CER1: variants seen among roughly 807,000 people sequenced by gnomAD.
CER1 encodes cerberus.
Under a neutral mutation model 11.8 loss-of-function variants are expected in CER1, and 10 were observed. The observed-to-expected ratio is 0.85, with a 90% CI of 0.52 to 1.44. The LOEUF (loss-of-function observed/expected upper bound fraction) is 1.44, where lower values mean the gene tolerates loss of function less well. Ranked by LOEUF, CER1 falls within the 40% of genes most tolerant of loss-of-function variation. The pLI is 0.00. For missense variants in CER1, 431 were observed against 327.0 expected (o/e 1.32, Z -2.45); for synonymous variants, 141 against 122.3 (o/e 1.15, Z -1.01).
chr9:14,720,123 G>T lies in CER1; in HGVS notation c.771C>A (p.Ser257=). Residue 257 remains serine (S), a synonymous_variant, in exon 2 of 2, where the codon TCC becomes TCA. Coordinates refer to ENST00000380911, the MANE Select transcript of CER1 (RefSeq NM_005454.3). ...AAACTCCTGGGATAAAGGAATCCTG[G>T]GAGCCAGCATGTAGGATGTGTCCAT... The part of the protein sequence containing the change: ...HEDGHILHAG[S]QDSFIPGVSA 6.2e-7 allele frequency: 1 copy of T among 1,613,900 alleles called. No homozygotes were observed. Among genetic ancestry groups the T allele is most frequent in the Non-Finnish European group, 8.5e-7 (1 of 1,179,840 alleles).
chr9:14,722,152 C>A lies in CER1; in HGVS notation c.507+14G>T. The A allele has an allele frequency of 6.2e-7, 1 of 1,607,710 alleles. No individual in the cohort carries two copies. Among genetic ancestry groups the A allele is most frequent in the Non-Finnish European group, 8.5e-7 (1 of 1,176,630 alleles). On this transcript the variant is annotated intron_variant, in intron 1 of 1. Coordinates refer to ENST00000380911, the MANE Select transcript of CER1 (RefSeq NM_005454.3). ...CCTGCAAACTCTTACCTGCTCTCCC[C>A]CCAGAACACATACCTGGCTGAAGGG...
At chr9:14,718,697 T>G (rs926189699), downstream of CER1, among the ~76,000 whole-genome samples, 20 of 152,214 alleles carry the variant, frequency 1.3e-4, no homozygotes, top group Non-Finnish European at 5.9e-5. Flanking sequence ...AAATAATTTT[T>G]AGGAACAAAA....
chr9:14,722,327 T>C lies in CER1; in HGVS notation c.346A>G (p.Ile116Val), dbSNP rs1348572906. The change falls in exon 1 of 2, where the codon ATA (isoleucine) becomes GTA (valine). Residue 116 changes from isoleucine (I) to valine (V), a missense_variant. Transcript: ENST00000380911. ...PPGTQSLIQP[I>V]DGMKMEKSPL... The stretch of plus-strand genomic sequence containing the variant: ...GATTTCTCCATTTTCATTCCATCTA[T>C]CGGCTGGATGAGGGACTGGGTCCCA... 2 of 1,614,054 alleles carry C rather than the reference T, an allele frequency of 1.2e-6. No homozygotes were observed. Among genetic ancestry groups the C allele is most frequent in the African/African-American group, 2.7e-5 (2 of 74,920 alleles).
At chr9:14,721,128 G>C (rs1017991159) in intron 1 of CER1, among the ~76,000 whole-genome samples, 1 of 152,166 alleles carries the variant, frequency 6.6e-6, no homozygotes, top group African/African-American at 2.4e-5. Context: ...TTTGATAATT[G>C]ACTTGCCATT....
At chr9:14,721,583 T>A (rs1840012885) in intron 1 of CER1, among the ~76,000 whole-genome samples, 1 of 152,218 alleles carries the variant, frequency 6.6e-6, no homozygotes, top group Non-Finnish European at 1.5e-5. Flanking sequence ...AACCTCAACG[T>A]ACTTTGAGGT....
rs755427504 is a variant in CER1 at position 14,722,566 on chromosome 9, G to C, written c.107C>G (p.Pro36Arg). 1.9e-6 allele frequency: 3 copies of C among 1,613,956 alleles called. No homozygotes were observed. The highest frequency in any genetic ancestry group is 2.2e-5 in the East Asian group (1 of 44,882). The change falls in exon 1 of 2, where the codon CCA becomes CGA. Residue 36 changes from proline (P) to arginine (R), a missense_variant. By Grantham distance (103) the Pro-to-Arg change is moderately radical. Coordinates refer to ENST00000380911, the MANE Select transcript of CER1 (RefSeq NM_005454.3). ...TGTGGGAAGCTCTCTTTGATTCCTT[G>C]GCAGGAGTACGGGGGAAAGAGAACT... ...NQSSLSPVLL[P>R]RNQRELPTGN...
At chr9:14,717,504 A>G (rs1335277428), downstream of CER1, among the ~76,000 whole-genome samples, 1 of 152,154 alleles carries the variant, frequency 6.6e-6, no homozygotes, top group African/African-American at 2.4e-5. Context: ...AAGTGTTGTT[A>G]TGTACACTTG....
At chr9:14,719,477 A>G (rs1839974081), downstream of CER1, among the ~76,000 whole-genome samples, 1 of 152,090 alleles carries the variant, frequency 6.6e-6, no homozygotes, top group Admixed American at 6.6e-5. Context: ...TATAAGTATG[A>G]GAATCTTTCC....
At position 14,720,292 on chromosome 9, in the gene CER1, T is replaced by A; in HGVS notation, c.602A>T (p.His201Leu). 1 of 1,614,036 alleles carries A rather than the reference T, an allele frequency of 6.2e-7. No individual in the cohort carries two copies. The change falls in exon 2 of 2, where the codon CAC (histidine) becomes CTC (leucine). Residue 201 changes from histidine (H) to leucine (L), a missense_variant. By Grantham distance (99) the His-to-Leu change is moderately conservative. Coordinates refer to ENST00000380911, the MANE Select transcript of CER1 (RefSeq NM_005454.3). ...ACAGTGAGAGCAGGAGGTATGGGAG[T>A]GCTGCGCGGCTCCAGGAAAATGAAC... ...GSVHFPGAAQ[H>L]SHTSCSHCLP...
chr9:14,720,336 G>T lies in CER1; in HGVS notation c.558C>A (p.Cys186Ter). The T allele has an allele frequency of 1.2e-6, 2 of 1,613,870 alleles. No individual in the cohort carries two copies. The highest frequency in any genetic ancestry group is 2.2e-5 in the South Asian group (2 of 91,066). Reference sequence around the variant, plus strand: ...AATGAACAGACCCGCATTTCCCAAAGCAAAGGTTGTTCTGAACAACTACTT... The same window carrying T: ...AATGAACAGACCCGCATTTCCCAAATCAAAGGTTGTTCTGAACAACTACTT... ...CEKVVVQNNLCFGKCGSVHFP... is the reference protein window; with the variant it reads ...CEKVVVQNNL The change falls in exon 2 of 2, where the codon TGC (cysteine) becomes TGA (stop). Residue 186 changes from cysteine to a stop codon, truncating the protein, a stop_gained. Coordinates refer to ENST00000380911, the MANE Select transcript of CER1 (RefSeq NM_005454.3). LOFTEE classifies it low-confidence loss of function (END_TRUNC).
chr9:14,720,394 G>C lies in CER1; in HGVS notation c.508-8C>G. The C allele has an allele frequency of 6.2e-7, 1 of 1,601,276 alleles. No homozygotes were observed. Among genetic ancestry groups the C allele is most frequent in the Non-Finnish European group, 8.5e-7 (1 of 1,170,378 alleles). On this transcript the variant is annotated splice_region_variant and splice_polypyrimidine_tract_variant and intron_variant, in intron 1 of 1. Coordinates refer to ENST00000380911, the MANE Select transcript of CER1 (RefSeq NM_005454.3). ...GCCTTCGTGGGTTATAGTCTAAAAA[G>C]CAAACACATTTCCATTACGTTATTT...
At chr9:14,721,480 AT>A (rs1438293880) in intron 1 of CER1, among the ~76,000 whole-genome samples, 1 of 152,144 alleles carries the variant, frequency 6.6e-6, no homozygotes, top group African/African-American at 2.4e-5. Flanking sequence ...ATCAAGATTG[AT>A]TTTTTAAAAA....
At chr9:14,719,561 G>T (rs10810225), downstream of CER1, among the ~76,000 whole-genome samples, 17,133 of 58,974 alleles carry the variant, frequency 0.29, 1,472 homozygotes, top group Middle Eastern at 0.38. Context: ...CTGCCTGCCT[G>T]CCTTCCTTCC....
chr9:14,720,538 C>T, intron 1 of CER1, 152 bp from the exon 2 acceptor site: 2 of 718,564 alleles, frequency 2.8e-6, no homozygotes. Flanking sequence ...GTGATGGTAT[C>T]TATAAGGGCA....
chr9:14,719,929 A>C lies in CER1; in HGVS notation c.*161T>G, dbSNP rs1029685168. On this transcript the variant is annotated 3_prime_UTR_variant, in exon 2 of 2. Coordinates refer to ENST00000380911, the MANE Select transcript of CER1 (RefSeq NM_005454.3). Reference sequence around the variant, plus strand: ...GACAAGGTCTCAAACGTGTACCAATAACTAGACTAATATCATTTCCTCTAT... The same window carrying C: ...GACAAGGTCTCAAACGTGTACCAATCACTAGACTAATATCATTTCCTCTAT... 1.5e-6 allele frequency: 1 copy of C among 649,446 alleles called. No homozygotes were observed. The highest frequency in any genetic ancestry group is 1.8e-5 in the African/African-American group (1 of 54,964). 40.2% of individuals were successfully genotyped at this position (649,446 alleles called of 1,614,324 possible).
Position 14,720,347 on chromosome 9 carries a change from T to C in CER1, c.547A>G (p.Asn183Asp). ...HEGCEKVVVQ[N>D]NLCFGKCGSV... ...CCGCATTTCCCAAAGCAAAGGTTGT[T>C]CTGAACAACTACTTTTTCACAGCCT... The change falls in exon 2 of 2, where the codon AAC becomes GAC. Residue 183 changes from asparagine to aspartate, a missense_variant. Transcript: ENST00000380911. The C allele has an allele frequency of 6.2e-7, 1 of 1,613,480 alleles. No homozygotes were observed. Among genetic ancestry groups the C allele is most frequent in the Non-Finnish European group, 8.5e-7 (1 of 1,179,770 alleles).
At position 14,720,259 on chromosome 9, in the gene CER1, G is replaced by A; in HGVS notation, c.635C>T (p.Ala212Val). ...SHTSCSHCLP[A>V]KFTTMHLPLN... ...TGGCAAGTGCATCGTGGTGAACTTG[G>A]CAGGCAAACAGTGAGAGCAGGAGGT... is the stretch of plus-strand genomic sequence containing the variant. The change falls in exon 2 of 2, where the codon GCC becomes GTC. Residue 212 changes from alanine to valine, a missense_variant. Physicochemically the swap from Ala to Val is moderately conservative, Grantham distance 64. Transcript: ENST00000380911. 6.2e-7 allele frequency: 1 copy of A among 1,614,128 alleles called. No individual in the cohort carries two copies. Among genetic ancestry groups the A allele is most frequent in the East Asian group, 2.2e-5 (1 of 44,878 alleles).
In CER1 at chr9:14,721,239, A is replaced by C. The variant is rs112501953; in HGVS notation, c.508-853T>G. Among the ~76,000 whole-genome samples, 672 of 152,334 alleles carry C rather than the reference A, an allele frequency of 4.4e-3. 4 individuals are homozygous for C. The highest frequency in any genetic ancestry group is 0.015 in the African/African-American group (632 of 41,580). On this transcript the variant is annotated intron_variant, in intron 1 of 1. Transcript: ENST00000380911. Reference sequence around the variant, plus strand: ...TAATTGGGTAGCATTACTCGACTATAAAATTTTACTCTACCCTGCATGTTT... The same window carrying C: ...TAATTGGGTAGCATTACTCGACTATCAAATTTTACTCTACCCTGCATGTTT...
Position 14,720,072 on chromosome 9 carries a change from T to C in CER1, c.*18A>G. 1 of 1,607,468 alleles carries C rather than the reference T, an allele frequency of 6.2e-7. No individual in the cohort carries two copies. The highest frequency in any genetic ancestry group is 8.5e-7 in the Non-Finnish European group (1 of 1,174,470). On this transcript the variant is annotated 3_prime_UTR_variant, in exon 2 of 2. Coordinates refer to ENST00000380911, the MANE Select transcript of CER1 (RefSeq NM_005454.3). ...CTGTTGTGGTTTTGCTTTTCAAAGG[T>C]AATAGTGGGATAGCTCTTCAAGCTG...
Sources: allele counts gnomAD v4.1 joint callset (sites outside exome capture counted in the v4.1 genomes callset), GRCh38; gene constraint gnomAD v4.1.1; transcripts MANE v1.5; gene names NCBI Gene and HGNC (gene_info 2026-07-23, HGNC 2026-07-21).